The following TRPC3 variants were observed in gnomAD, a reference collection of about 807,000 sequenced individuals.
TRPC3 encodes the protein short transient receptor potential channel 3.
Under a neutral mutation model 90.9 loss-of-function variants are expected in TRPC3, and 54 were observed. The ratio of observed to expected loss-of-function variants is 0.59; its 90% CI spans 0.48 to 0.75. The LOEUF is 0.75. TRPC3 is among the 30% of genes least tolerant of loss of function. The probability of loss-of-function intolerance (pLI) is 0.00; values close to 1 mark genes in which losing one functional copy is unlikely to be tolerated. For missense variants in TRPC3, 918 were observed against 1,194.5 expected, an observed-to-expected ratio of 0.77 and a Z score of 3.41; for synonymous variants, 424 against 450.9, an observed-to-expected ratio of 0.94 and a Z score of 0.75.
intron 3 of TRPC3, among the ~76,000 whole-genome samples, chr4:121,921,508 C>T (rs1195681834): frequency 2.7e-5 from 3 of 111,540 alleles, no homozygotes; most frequent in African/African-American, 3.6e-5. Context: ...GGCGACAGAG[C>T]GAGACTCCGT....
chr4:121,888,466 T>C (rs1374293872), intron 10 of TRPC3, among the ~76,000 whole-genome samples: 14 of 152,188 alleles, frequency 9.2e-5, no homozygotes, highest in Admixed American at 9.2e-4. Flanking sequence ...AAAGATGTTC[T>C]AAAAATATTC....
chr4:121,944,043 T>C (rs34306906), intron 1 of TRPC3, among the ~76,000 whole-genome samples: 71,485 of 151,898 alleles, frequency 0.47, 17,976 homozygotes, highest in East Asian at 0.6. Flanking sequence ...CCCTCGTGCA[T>C]AAGCGTGAAG....
rs561809343 is a variant in TRPC3 at position 121,927,847 on chromosome 4, A to G, written c.988-2641T>C. Among the ~76,000 whole-genome samples, 48 of 152,372 alleles carry G rather than the reference A, an allele frequency of 3.2e-4. No homozygotes were observed. In the Middle Eastern group the frequency reaches 0.014, roughly 43 times the overall value. Reference sequence around the variant, plus strand: ...AACTGATAAAATTAATAAAATGTTCAGTCTCTGGTTTCTGTGCAGAGTGTC... The same window carrying G: ...AACTGATAAAATTAATAAAATGTTCGGTCTCTGGTTTCTGTGCAGAGTGTC... On this transcript the variant is annotated intron_variant, in intron 2 of 11. Coordinates refer to ENST00000379645, the MANE Select transcript of TRPC3 (RefSeq NM_001130698.2).
At chr4:121,926,702 C>T (rs939944122) in intron 2 of TRPC3, among the ~76,000 whole-genome samples, 9 of 152,184 alleles carry the variant, frequency 5.9e-5, no homozygotes, top group African/African-American at 1.2e-4. Flanking sequence ...TCACCGCACC[C>T]GGCCTCATTT....
intron 9 of TRPC3, among the ~76,000 whole-genome samples, chr4:121,902,422 A>G (rs917803548): frequency 6.6e-6 from 1 of 152,238 alleles, no homozygotes; most frequent in Non-Finnish European, 1.5e-5. Flanking sequence ...TGGAAAAAAG[A>G]TTATTTAGTC....
chr4:121,901,462 C>A (rs1385615766), intron 9 of TRPC3, among the ~76,000 whole-genome samples: 2 of 152,206 alleles, frequency 1.3e-5, no homozygotes, highest in South Asian at 2.1e-4. Context: ...GCACCTACCC[C>A]ACACTGGTCA....
rs1056986633 is a variant in TRPC3 at position 121,876,828 on chromosome 4, G to A, written c.*2908C>T. Among the ~76,000 whole-genome samples, 9 of 152,004 alleles carry A rather than the reference G, an allele frequency of 5.9e-5. No homozygotes were observed. The highest frequency in any genetic ancestry group is 2.2e-4 in the African/African-American group (9 of 41,372). Reference sequence around the variant, plus strand: ...GCACTTACAAAGTACCCAACTTTTCGAACAATAAGTCTAAGAAGCACTTTG... The same window carrying A: ...GCACTTACAAAGTACCCAACTTTTCAAACAATAAGTCTAAGAAGCACTTTG... On this transcript the variant is annotated 3_prime_UTR_variant, in exon 12 of 12. Transcript: ENST00000379645.
intron 10 of TRPC3, among the ~76,000 whole-genome samples, chr4:121,890,211 T>A (rs1728276209): frequency 1.3e-5 from 2 of 152,030 alleles, no homozygotes; most frequent in Non-Finnish European, 2.9e-5. Context: ...AGGTACAAAG[T>A]TATAGTTAGA....
intron 9 of TRPC3, among the ~76,000 whole-genome samples, chr4:121,901,274 C>A (rs1728689586): frequency 6.6e-6 from 1 of 152,200 alleles, no homozygotes; most frequent in South Asian, 2.1e-4. Flanking sequence ...GCAGCAGGAG[C>A]TGCCCAGGAT....
At position 121,912,464 on chromosome 4, in the gene TRPC3, C is replaced by A. The variant is rs552638351; in HGVS notation, c.1342-371G>T. On this transcript the variant is annotated intron_variant, in intron 4 of 11. Coordinates refer to ENST00000379645, the MANE Select transcript of TRPC3 (RefSeq NM_001130698.2). ...AATTTCAACTTTGTATTGTGTAATT[C>A]TTCATTGCTTTGTAATTGTAATTGA... 7.6e-4 allele frequency among the ~76,000 whole-genome samples: 115 copies of A among 152,150 alleles called. 5 individuals are homozygous for A. Among genetic ancestry groups the A allele is most frequent in the African/African-American group, 2.7e-3 (111 of 41,518 alleles).
chr4:121,940,471 G>A (rs1730270562), intron 1 of TRPC3, among the ~76,000 whole-genome samples: 1 of 152,204 alleles, frequency 6.6e-6, no homozygotes, highest in Non-Finnish European at 1.5e-5. Context: ...CAAGTTGTGA[G>A]TGATTTCTTG....
chr4:121,915,535 G>C (rs1353176259), intron 3 of TRPC3, among the ~76,000 whole-genome samples: 3 of 152,156 alleles, frequency 2.0e-5, no homozygotes, highest in Admixed American at 6.5e-5. Flanking sequence ...CTTCTTCCAG[G>C]AACTGGCACC....
chr4:121,932,874 C>T lies in TRPC3; in HGVS notation c.384G>A (p.Val128=), dbSNP rs371298784. 6.8e-6 allele frequency: 11 copies of T among 1,613,732 alleles called. No homozygotes were observed. The highest frequency in any genetic ancestry group is 5.0e-5 in the Admixed American group (3 of 59,986). The part of the protein sequence containing the change: ...DAAEYGNIPV[V]RKMLEESKTL... ...TCTTGGACTCCTCCAGCATCTTGCG[C>T]ACCACTGGGATGTTGCCGTACTCGG... The change falls in exon 2 of 12, where the codon GTG becomes GTA. Residue 128 remains valine (V), a synonymous_variant. Transcript: ENST00000379645. The surrounding 1 kb of genome is among the most constrained non-coding windows in gnomAD (Gnocchi z 7.7).
At chr4:121,936,384 A>G (rs1007819535) in intron 1 of TRPC3, among the ~76,000 whole-genome samples, 1 of 152,222 alleles carries the variant, frequency 6.6e-6, no homozygotes, top group African/African-American at 2.4e-5. Flanking sequence ...TCCTACCCTC[A>G]GATCTTCATC....
intron 4 of TRPC3, among the ~76,000 whole-genome samples, chr4:121,913,418 T>C (rs1231148924): frequency 6.6e-6 from 1 of 152,226 alleles, no homozygotes; most frequent in Non-Finnish European, 1.5e-5. Context: ...GCTCTAAACA[T>C]GGGCTCTGGG....
intron 11 of TRPC3, among the ~76,000 whole-genome samples, chr4:121,880,766 C>T (rs62322629): frequency 0.082 from 12,458 of 152,182 alleles, 667 homozygotes; most frequent in Non-Finnish European, 0.12. Flanking sequence ...AATGATTCTT[C>T]AAACCATTGA....
At chr4:121,943,403 C>T (rs895940800) in intron 1 of TRPC3, among the ~76,000 whole-genome samples, 8 of 152,164 alleles carry the variant, frequency 5.3e-5, no homozygotes, top group African/African-American at 1.9e-4. Context: ...GTATTTGGTG[C>T]ATTCTCTATC....
At chr4:121,902,549 T>C (rs1031138703) in intron 9 of TRPC3, among the ~76,000 whole-genome samples, 38 of 152,178 alleles carry the variant, frequency 2.5e-4, no homozygotes, top group African/African-American at 8.9e-4. Flanking sequence ...GCATGGAACA[T>C]ACAAAAACAA....
chr4:121,896,801 T>G (rs1392225439), intron 10 of TRPC3, among the ~76,000 whole-genome samples: 1 of 151,668 alleles, frequency 6.6e-6, no homozygotes, highest in Non-Finnish European at 1.5e-5. Context: ...ATCCTAAAAT[T>G]TGTAGGGAAT....
Sources: gnomAD v4.1 joint callset for allele counts (sites outside exome capture counted in the v4.1 genomes callset) on GRCh38, gnomAD v4.1.1 for gene constraint, Gnocchi (gnomAD v3.1) non-coding constraint, MANE v1.5 for transcripts, NCBI Gene and HGNC (gene_info 2026-07-23, HGNC 2026-07-21) for gene names.